Variants in SOX6 observed in about 807,000 individuals in gnomAD.
The protein encoded by SOX6 is transcription factor SOX-6.
Under a neutral mutation model 97.8 loss-of-function variants are expected in SOX6, and 11 were observed. The ratio of observed to expected loss-of-function variants is 0.11; its 90% CI spans 0.07 to 0.19. SOX6 has a LOEUF of 0.19. SOX6 is among the 10% of genes least tolerant of loss of function. The probability of loss-of-function intolerance (pLI) is 1.00; values close to 1 mark genes in which losing one functional copy is unlikely to be tolerated. For missense variants in SOX6, 810 were observed against 1,039.5 expected (o/e 0.78, Z 3.04); for synonymous variants, 360 against 371.4 (o/e 0.97, Z 0.35).
At chr11:16,402,417 A>G (rs1858584498) in intron 1 of SOX6, among the ~76,000 whole-genome samples, 2 of 151,636 alleles carry the variant, frequency 1.3e-5, no homozygotes, top group Admixed American at 6.6e-5. Context: ...TGAGAAAGCT[A>G]AAACAACTAA....
intron 1 of SOX6, among the ~76,000 whole-genome samples, chr11:16,421,405 C>G (rs888796219): frequency 5.9e-5 from 9 of 151,892 alleles, no homozygotes; most frequent in Non-Finnish European, 1.3e-4. Context: ...GATTTTAATG[C>G]ATAAAATATA....
At chr11:16,378,771 T>A (rs1224476271) in intron 1 of SOX6, among the ~76,000 whole-genome samples, 2 of 152,066 alleles carry the variant, frequency 1.3e-5, no homozygotes, top group African/African-American at 4.8e-5. Flanking sequence ...TGAGAGAGAT[T>A]TGATTTTCTA....
chr11:16,610,187 C>T lies in SOX6; in HGVS notation n.609+1894G>A, dbSNP rs1848380020. On this transcript the variant is annotated intron_variant and non_coding_transcript_variant, in intron 4 of 5. Transcript: ENST00000524520. This position sits in a 1 kb window ranked among gnomAD's most constrained non-coding sequence, Gnocchi z 4.4. Reference sequence around the variant, plus strand: ...AACTCAACAACAAGGGCCATAAAACCTCTCCAAAGCCTAAAGAGGTCATCA... The same window carrying T: ...AACTCAACAACAAGGGCCATAAAACTTCTCCAAAGCCTAAAGAGGTCATCA... Among the ~76,000 whole-genome samples the T allele has an allele frequency of 6.6e-6, 1 of 152,224 alleles. No individual in the cohort carries two copies. Among genetic ancestry groups the T allele is most frequent in the South Asian group, 2.1e-4 (1 of 4,838 alleles).
At chr11:16,539,346 A>G (rs1184561201) in intron 4 of SOX6, among the ~76,000 whole-genome samples, 3 of 152,230 alleles carry the variant, frequency 2.0e-5, no homozygotes, top group Admixed American at 6.5e-5. Context: ...TTATAGCACT[A>G]AATGCCCACA....
intron 3 of SOX6, among the ~76,000 whole-genome samples, chr11:16,622,066 A>C (rs1049713953): frequency 2.6e-5 from 4 of 152,184 alleles, no homozygotes; most frequent in African/African-American, 9.6e-5. Context: ...CTTTTCTTAA[A>C]GTAATGCTTG....
chr11:16,576,713 A>G (rs146282759), intron 4 of SOX6: 1 of 152,348 alleles, frequency 6.6e-6, no homozygotes, highest in East Asian at 1.9e-4. Context: ...TAGAATAAAT[A>G]TAGTTCACGT....
intron 4 of SOX6, among the ~76,000 whole-genome samples, chr11:16,555,417 T>G (rs1167486319): frequency 6.6e-6 from 1 of 151,626 alleles, no homozygotes; most frequent in Non-Finnish European, 1.5e-5. Context: ...ATTATCATTA[T>G]TATTACATAT....
At chr11:16,240,086 G>A (rs1446939314) in intron 3 of SOX6, among the ~76,000 whole-genome samples, 2 of 151,984 alleles carry the variant, frequency 1.3e-5, no homozygotes, top group African/African-American at 4.8e-5. Flanking sequence ...AAAATGTTGT[G>A]CTAAATTAGA....
At chr11:16,623,410 A>AT (rs60091985) in intron 3 of SOX6, among the ~76,000 whole-genome samples, 25,235 of 150,522 alleles carry the variant, frequency 0.17, 2,720 homozygotes, top group East Asian at 0.32. Context: ...TTTTTATGGG[A>AT]TTTTTTTTTC....
chr11:16,581,036 G>A lies in SOX6; in HGVS notation n.609+31045C>T, dbSNP rs139393984. 3.9e-3 allele frequency among the ~76,000 whole-genome samples: 586 copies of A among 152,116 alleles called. 3 individuals carry two copies. The highest frequency in any genetic ancestry group is 0.012 in the South Asian group (57 of 4,802). ...GTTCAACCACTGTGGAAGACAGTGC[G>A]GCGATTCCTCAAGAATCTAGAACCA... On this transcript the variant is annotated intron_variant and non_coding_transcript_variant, in intron 4 of 5. Coordinates refer to the SOX6 transcript ENST00000524520.
intron 3 of SOX6, among the ~76,000 whole-genome samples, chr11:16,261,583 T>G (rs1853899996): frequency 6.6e-6 from 1 of 151,956 alleles, no homozygotes; most frequent in Non-Finnish European, 1.5e-5. Flanking sequence ...GTATATACTC[T>G]GAGCACTGAA....
chr11:15,993,955 T>C (rs1163438188), intron 13 of SOX6, among the ~76,000 whole-genome samples: 1 of 152,172 alleles, frequency 6.6e-6, no homozygotes, highest in African/African-American at 2.4e-5. Context: ...GGTGCACATA[T>C]AAAGTTATTC....
At chr11:15,994,490 C>T (rs1854163982) in intron 13 of SOX6, among the ~76,000 whole-genome samples, 1 of 149,084 alleles carries the variant, frequency 6.7e-6, no homozygotes, top group African/African-American at 2.5e-5. Flanking sequence ...TAAATAGGGA[C>T]CAAATTTGCT....
intron 6 of SOX6, among the ~76,000 whole-genome samples, chr11:16,156,116 C>T (rs554085375): frequency 6.6e-6 from 1 of 152,034 alleles, no homozygotes. Context: ...GGTCACAGTT[C>T]CCTCAAATAC....
intron 4 of SOX6, among the ~76,000 whole-genome samples, chr11:16,556,625 T>G (rs1047260494): frequency 1.1e-4 from 17 of 151,828 alleles, no homozygotes; most frequent in African/African-American, 4.1e-4. Context: ...CATTTCAGAT[T>G]GATGAAATAC....
At chr11:16,026,505 C>G (rs1031926375) in intron 12 of SOX6, among the ~76,000 whole-genome samples, 3 of 152,120 alleles carry the variant, frequency 2.0e-5, no homozygotes, top group Admixed American at 6.5e-5. Flanking sequence ...CTCTGTGTCC[C>G]TAGTTTGAGA....
At chr11:16,434,808 A>G (rs1859342649) in intron 1 of SOX6, among the ~76,000 whole-genome samples, 1 of 152,156 alleles carries the variant, frequency 6.6e-6, no homozygotes, top group Non-Finnish European at 1.5e-5. Context: ...GAGAGAAAAT[A>G]TGCTACAATT....
At chr11:16,435,852 A>G (rs1859365842) in intron 1 of SOX6, among the ~76,000 whole-genome samples, 1 of 150,584 alleles carries the variant, frequency 6.6e-6, no homozygotes, top group Non-Finnish European at 1.5e-5. Context: ...CCCACTGTTT[A>G]TAAACATAAT....
chr11:16,396,379 A>T (rs1011719689), intron 1 of SOX6, among the ~76,000 whole-genome samples: 1 of 151,724 alleles, frequency 6.6e-6, no homozygotes, highest in Non-Finnish European at 1.5e-5. Flanking sequence ...GAATGCATGT[A>T]TACTGTGTAT....
Sources: allele counts gnomAD v4.1 joint callset (sites outside exome capture counted in the v4.1 genomes callset), GRCh38; gene constraint gnomAD v4.1.1; non-coding constraint Gnocchi (gnomAD v3.1); transcripts MANE v1.5; gene names NCBI Gene and HGNC (gene_info 2026-07-23, HGNC 2026-07-21).